The following VPS33B variants were observed in gnomAD, a reference collection of about 807,000 sequenced individuals.
VPS33B encodes the protein VPS33B late endosome and lysosome associated, also known as vacuolar protein sorting-associated protein 33B.
VPS33B carries 80 observed loss-of-function variants against 95.3 expected under a neutral mutation model. The ratio of observed to expected loss-of-function variants is 0.84; its 90% CI spans 0.70 to 1.01. The LOEUF (loss-of-function observed/expected upper bound fraction) is 1.01. Among genes scored for constraint, VPS33B ranks in the 50% least tolerant of loss-of-function variants. VPS33B has a pLI of 0.00. For missense variants in VPS33B, 715 were observed against 773.4 expected (o/e 0.92, Z 0.90); for synonymous variants, 280 against 280.4 (o/e 1.00, Z 0.01).
rs1056519254 is a variant in VPS33B at position 91,018,368 on chromosome 15, C to G, written c.97-483G>C. Among the ~76,000 whole-genome samples, 1 of 152,178 alleles carries G rather than the reference C, an allele frequency of 6.6e-6. No individual in the cohort carries two copies. Among genetic ancestry groups the G allele is most frequent in the Admixed American group, 6.6e-5 (1 of 15,262 alleles). ...TCACCCCATCACCCTTCCACTCCCC[C>G]ACCCCACAATCCCTGTCATACGATT... On this transcript the variant is annotated intron_variant, in intron 1 of 22. Transcript: ENST00000333371. The surrounding 1 kb of genome is among the most constrained non-coding windows in gnomAD (Gnocchi z 4.7).
Position 91,007,736 on chromosome 15 carries a change from C to T in VPS33B, c.498+134G>A. 8.6e-7 allele frequency: 1 copy of T among 1,156,304 alleles called. No homozygotes were observed. The allele number at this position is 1,156,304 out of a possible 1,614,324, so 71.6% of individuals were successfully genotyped here. On this transcript the variant is annotated intron_variant, in intron 7 of 22. Transcript: ENST00000333371. This position sits in a 1 kb window ranked among gnomAD's most constrained non-coding sequence, Gnocchi z 5.3. ...GTCCCACAGAGACCAATCTGTAGCA[C>T]TCAATCACCACATCACTATCACTTG...
Position 91,006,935 on chromosome 15 carries a change from C to G in VPS33B, c.700+15G>C, listed in dbSNP as rs200734718. On this transcript the variant is annotated intron_variant, in intron 9 of 22. Coordinates refer to ENST00000333371, the MANE Select transcript of VPS33B (RefSeq NM_018668.5). The surrounding 1 kb of genome is among the most constrained non-coding windows in gnomAD (Gnocchi z 5.4). The stretch of plus-strand genomic sequence containing the variant: ...CTAGGGCTGAAAGATGACAGGAACG[C>G]TGGGCATAATTTACCTCTGTCCAAG... 2.0e-5 allele frequency: 33 copies of G among 1,613,984 alleles called. No individual in the cohort carries two copies. The African/African-American group carries it at 3.6e-4, about 18-fold the overall frequency.
At position 91,009,609 on chromosome 15, in the gene VPS33B, A is replaced by AG. The variant is rs2040723099; in HGVS notation, c.403+191dup. On this transcript the variant is annotated intron_variant, in intron 6 of 22. Transcript: ENST00000333371. The surrounding 1 kb of genome is among the most constrained non-coding windows in gnomAD (Gnocchi z 4.1). ...GCATGAGCCACTGCGCCCAGCCCCC[A>AG]GTAGTGTTCTAATTCGTGGTCCTAT... Among the ~76,000 whole-genome samples, 1 of 148,070 alleles carries AG rather than the reference A, an allele frequency of 6.8e-6. No individual in the cohort carries two copies. The highest frequency in any genetic ancestry group is 2.0e-4 in the East Asian group (1 of 4,936).
At chr15:91,003,436 CATTT>C (rs200047666) in intron 16 of VPS33B, among the ~76,000 whole-genome samples, 3 of 151,882 alleles carry the variant, frequency 2.0e-5, no homozygotes, top group Admixed American at 6.6e-5. Flanking sequence ...ACGACTCATG[CATTT>C]ATTTATTTAT....
chr15:91,014,336 T>A, intron 4 of VPS33B, 48 bp downstream of exon 4: 1 of 1,606,380 alleles, frequency 6.2e-7, no homozygotes, highest in Non-Finnish European at 8.5e-7. Flanking sequence ...GCCCTTAGAT[T>A]TTGCCCGCCC....
At position 91,013,567 on chromosome 15, in the gene VPS33B, C is replaced by T. The variant is rs1451555515; in HGVS notation, c.357+237G>A. Among the ~76,000 whole-genome samples, 2 of 152,198 alleles carry T rather than the reference C, an allele frequency of 1.3e-5. No homozygotes were observed. The highest frequency in any genetic ancestry group is 2.9e-5 in the Non-Finnish European group (2 of 68,038). ...TCATGTGCTGGCTTCCACCTTCCAC[C>T]CTTCTGCCATGGGATGACCCTCGCC... is the stretch of plus-strand genomic sequence containing the variant. On this transcript the variant is annotated intron_variant, in intron 5 of 22. Transcript: ENST00000333371. The surrounding 1 kb of genome is among the most constrained non-coding windows in gnomAD (Gnocchi z 4.5).
rs2040906355 is a variant in VPS33B, at chr15:91,015,750, G to C, written c.239+1213C>G. ...GGAGACTGAGGTAGGAGGATCCCTT[G>C]AGCCAGGAGCTCAAGGCTGCAGTGA... is the stretch of plus-strand genomic sequence containing the variant. On this transcript the variant is annotated intron_variant, in intron 3 of 22. Coordinates refer to ENST00000333371, the MANE Select transcript of VPS33B (RefSeq NM_018668.5). This position sits in a 1 kb window ranked among gnomAD's most constrained non-coding sequence, Gnocchi z 4.7. Among the ~76,000 whole-genome samples the C allele has an allele frequency of 6.8e-6, 1 of 147,644 alleles. No individual in the cohort carries two copies.
intron 16 of VPS33B, among the ~76,000 whole-genome samples, chr15:91,003,371 C>T (rs916022033): frequency 1.3e-5 from 2 of 152,166 alleles, no homozygotes; most frequent in African/African-American, 4.8e-5. Context: ...GACACTGGAA[C>T]TAACGGTGAT....
Position 91,013,263 on chromosome 15 carries a change from G to C in VPS33B, c.357+541C>G, listed in dbSNP as rs559311067. ...GGGACAGTATGATGACAGACCCTCTGCTAAACAAATGAGGATATGTTAATG... is the reference window on the plus strand; with the variant it reads ...GGGACAGTATGATGACAGACCCTCTCCTAAACAAATGAGGATATGTTAATG... On this transcript the variant is annotated intron_variant, in intron 5 of 22. Transcript: ENST00000333371. The surrounding 1 kb of genome is among the most constrained non-coding windows in gnomAD (Gnocchi z 4.5). Among the ~76,000 whole-genome samples the C allele has an allele frequency of 3.9e-5, 6 of 152,320 alleles. No homozygotes were observed. In the East Asian group the frequency reaches 1.2e-3, roughly 29 times the overall value.
chr15:91,022,026 C>G lies in VPS33B; in HGVS notation c.96+128G>C, dbSNP rs1031751017. 10 of 1,082,118 alleles carry G rather than the reference C, an allele frequency of 9.2e-6. No individual in the cohort carries two copies. The African/African-American group carries it at 1.6e-4, about 17-fold the overall frequency. 67.0% of individuals were successfully genotyped at this position (1,082,118 alleles called of 1,614,324 possible). On this transcript the variant is annotated intron_variant, in intron 1 of 22. Transcript: ENST00000333371. The stretch of plus-strand genomic sequence containing the variant: ...ACTACTCCCTGGATTCATTCTGGAC[C>G]TGCTGGGGAAGCGCCAAGGACAATA...
At chr15:91,021,375 C>T (rs1340894383) in intron 1 of VPS33B, among the ~76,000 whole-genome samples, 4 of 152,178 alleles carry the variant, frequency 2.6e-5, no homozygotes, top group African/African-American at 7.2e-5. Flanking sequence ...TATAACCAAT[C>T]AGTAAGTCTT....
chr15:91,022,085 C>CAAGGAAG (rs1386780031), intron 1 of VPS33B, 69 bp downstream of exon 1: 4 of 1,516,804 alleles, frequency 2.6e-6, no homozygotes, highest in Non-Finnish European at 3.6e-6. Context: ...AGGGGCACGG[C>CAAGGAAG]AAGGAAGAAA....
At position 91,006,088 on chromosome 15, in the gene VPS33B, T is replaced by C; in HGVS notation, c.853-29A>G. The C allele has an allele frequency of 6.2e-7, 1 of 1,611,150 alleles. No homozygotes were observed. ...TGAGGACAGTAAGACAAGAACAGCTTACTCTGTCAGAACCATAACTTAGCA... is the reference window on the plus strand; with the variant it reads ...TGAGGACAGTAAGACAAGAACAGCTCACTCTGTCAGAACCATAACTTAGCA... On this transcript the variant is annotated intron_variant, in intron 11 of 22. Transcript: ENST00000333371. The surrounding 1 kb of genome is among the most constrained non-coding windows in gnomAD (Gnocchi z 5.4).
At position 91,013,583 on chromosome 15, in the gene VPS33B, G is replaced by A. The variant is rs1019966333; in HGVS notation, c.357+221C>T. ...ACCTTCCACCCTTCTGCCATGGGAT[G>A]ACCCTCGCCAGATGCCAGCCCCACA... is the stretch of plus-strand genomic sequence containing the variant. On this transcript the variant is annotated intron_variant, in intron 5 of 22. Transcript: ENST00000333371. The surrounding 1 kb of genome is among the most constrained non-coding windows in gnomAD (Gnocchi z 4.5). Among the ~76,000 whole-genome samples the A allele has an allele frequency of 6.6e-6, 1 of 152,152 alleles. No individual in the cohort carries two copies. Among genetic ancestry groups the A allele is most frequent in the African/African-American group, 2.4e-5 (1 of 41,418 alleles).
In VPS33B at chr15:91,006,926, A is replaced by G; in HGVS notation, c.700+24T>C. 6.2e-7 allele frequency: 1 copy of G among 1,613,738 alleles called. No individual in the cohort carries two copies. The highest frequency in any genetic ancestry group is 8.5e-7 in the Non-Finnish European group (1 of 1,179,664). On this transcript the variant is annotated intron_variant, in intron 9 of 22. Coordinates refer to ENST00000333371, the MANE Select transcript of VPS33B (RefSeq NM_018668.5). This position sits in a 1 kb window ranked among gnomAD's most constrained non-coding sequence, Gnocchi z 5.4. ...CCGTGTCTTCTAGGGCTGAAAGATG[A>G]CAGGAACGCTGGGCATAATTTACCT...
rs1341012707 is a variant in VPS33B, at chr15:91,000,119, C to T, written c.1582-144G>A. 2 of 1,014,374 alleles carry T rather than the reference C, an allele frequency of 2.0e-6. No homozygotes were observed. The highest frequency in any genetic ancestry group is 3.0e-6 in the Non-Finnish European group (2 of 667,922). 62.8% of individuals were successfully genotyped at this position (1,014,374 alleles called of 1,614,324 possible). On this transcript the variant is annotated intron_variant, in intron 20 of 22. Transcript: ENST00000333371. The surrounding 1 kb of genome is among the most constrained non-coding windows in gnomAD (Gnocchi z 4.9). ...ACAGGGCCAGGTGTGGTGGCTCACG[C>T]CTGTAATTCCAACACTTTAGGAGTT...
intron 3 of VPS33B, among the ~76,000 whole-genome samples, chr15:91,014,744 A>C (rs1324578845): frequency 1.3e-5 from 2 of 152,240 alleles, no homozygotes; most frequent in Non-Finnish European, 2.9e-5. Context: ...ATCAGTGCTG[A>C]AAAACAATAT....
rs113067111 is a variant in VPS33B, at chr15:91,015,046, C to T, written c.240-613G>A. Among the ~76,000 whole-genome samples, 2,464 of 143,722 alleles carry T rather than the reference C, an allele frequency of 0.017. 67 individuals are homozygous for T. The highest frequency in any genetic ancestry group is 0.059 in the African/African-American group (2,253 of 38,324). 94.3% of individuals were successfully genotyped at this position (143,722 alleles called of 152,430 possible). ...TGAAACCCCGTCTCTACTAAAAATA[C>T]AAACATTGGCTGGGCATGGTGGCTC... On this transcript the variant is annotated intron_variant, in intron 3 of 22. Transcript: ENST00000333371. The surrounding 1 kb of genome is among the most constrained non-coding windows in gnomAD (Gnocchi z 4.7).
chr15:91,006,382 G>C lies in VPS33B; in HGVS notation c.842C>G (p.Ala281Gly), dbSNP rs115308854. The stretch of plus-strand genomic sequence containing the variant: ...CACCCACACCCTCACCTTGTCCTCG[G>C]CATTGAGTAGCACCTTCAGGCTCTT... ...SDKSLKVLLN[A>G]EDKVFNEIRN... Residue 281 changes from alanine (A) to glycine (G), a missense_variant, in exon 11 of 23, where the codon GCC becomes GGC. Coordinates refer to ENST00000333371, the MANE Select transcript of VPS33B (RefSeq NM_018668.5). This position sits in a 1 kb window ranked among gnomAD's most constrained non-coding sequence, Gnocchi z 5.4. 726 of 1,614,190 alleles carry C rather than the reference G, an allele frequency of 4.5e-4. 3 individuals are homozygous for C. The African/African-American group carries it at 8.7e-3, about 19-fold the overall frequency.
Sources: gnomAD v4.1 joint callset for allele counts (sites outside exome capture counted in the v4.1 genomes callset) on GRCh38, gnomAD v4.1.1 for gene constraint, Gnocchi (gnomAD v3.1) non-coding constraint, MANE v1.5 for transcripts, NCBI Gene and HGNC (gene_info 2026-07-23, HGNC 2026-07-21) for gene names.